TDRD15: variants seen among roughly 807,000 people sequenced by gnomAD.
TDRD15 encodes the protein tudor domain-containing protein 15.
For missense variants in TDRD15, 1,416 were observed against 904.7 expected, an observed-to-expected ratio of 1.57 and a Z score of -7.25; for synonymous variants, 503 against 314.5, an observed-to-expected ratio of 1.60 and a Z score of -6.34.
chr2:21,137,081 C>T (rs779652753), intron 3 of TDRD15, among the ~76,000 whole-genome samples: 3 of 152,006 alleles, frequency 2.0e-5, no homozygotes, highest in Non-Finnish European at 4.4e-5. Flanking sequence ...GTGGTTGTCT[C>T]ACAGGAGGAG....
intron 2 of TDRD15, among the ~76,000 whole-genome samples, chr2:21,131,454 C>T (rs913055415): frequency 6.6e-6 from 1 of 152,186 alleles, no homozygotes; most frequent in Admixed American, 6.5e-5. Context: ...TTCGAAGAAA[C>T]TACTACTCAT....
rs76889713 is a variant in TDRD15 at position 21,143,337 on chromosome 2, T to A, written c.*65T>A. 1,790 of 509,558 alleles carry A rather than the reference T, an allele frequency of 3.5e-3. 49 individuals carry two copies. The East Asian group carries it at 0.053, about 15-fold the overall frequency. The allele number at this position is 509,558 out of a possible 1,614,324, so 31.6% of individuals were successfully genotyped here. ...TTGTTACAAAAAACAAAATATAAAT[T>A]TTACATACACTGAGAAACAAAAGTG... is the stretch of plus-strand genomic sequence containing the variant. On this transcript the variant is annotated 3_prime_UTR_variant, in exon 4 of 4. Transcript: ENST00000405799.
intron 2 of TDRD15, among the ~76,000 whole-genome samples, chr2:21,128,409 G>A (rs312963): frequency 0.31 from 47,277 of 150,770 alleles, 8,814 homozygotes; most frequent in South Asian, 0.58. Context: ...TGCAAACTCT[G>A]CCTCCCGGGT....
chr2:21,124,692 G>GGT (rs1665545862), intron 1 of TDRD15, among the ~76,000 whole-genome samples: 2 of 124,720 alleles, frequency 1.6e-5, no homozygotes, highest in Non-Finnish European at 3.3e-5. Context: ...CTAATGCCAG[G>GGT]GTGCGTGTGT....
In TDRD15 at chr2:21,142,751, CT is replaced by C. The variant is rs1251709801; in HGVS notation, c.5289del (p.Phe1763LeufsTer19). On this transcript the variant is annotated frameshift_variant, in exon 4 of 4. Transcript: ENST00000405799. LOFTEE classifies it low-confidence loss of function (END_TRUNC). The part of the protein sequence containing the change: ...LEDFFDIMKY[L>X]FMLLSDLPET... Reference sequence around the variant, plus strand: ...AGATTTCTTTGACATAATGAAATACCTTTTTATGTTGCTTTCTGATCTACCA... The same window carrying C: ...AGATTTCTTTGACATAATGAAATACCTTTTATGTTGCTTTCTGATCTACCA... 1 of 713,704 alleles carries C rather than the reference CT, an allele frequency of 1.4e-6. No homozygotes were observed. Among genetic ancestry groups the C allele is most frequent in the Non-Finnish European group, 2.6e-6 (1 of 383,298 alleles). The allele number at this position is 713,704 out of a possible 1,614,324, so 44.2% of individuals were successfully genotyped here.
At chr2:21,130,265 A>C (rs1055094121) in intron 2 of TDRD15, among the ~76,000 whole-genome samples, 7 of 152,206 alleles carry the variant, frequency 4.6e-5, no homozygotes, top group Non-Finnish European at 1.0e-4. Flanking sequence ...TTTTGTGCAG[A>C]TGCTTCTCAA....
At chr2:21,135,395 G>A (rs1191965595) in intron 3 of TDRD15, among the ~76,000 whole-genome samples, 3 of 151,668 alleles carry the variant, frequency 2.0e-5, no homozygotes, top group Non-Finnish European at 2.9e-5. Flanking sequence ...AGGTTATGTT[G>A]TCTACCTGAT....
At chr2:21,126,455 C>A (rs1558294361) in intron 1 of TDRD15, among the ~76,000 whole-genome samples, 1 of 151,886 alleles carries the variant, frequency 6.6e-6, no homozygotes, top group Non-Finnish European at 1.5e-5. Flanking sequence ...CAATCTCTGC[C>A]TCCCGGGTTC....
At chr2:21,145,661 TA>T (rs1287583241), downstream of TDRD15, among the ~76,000 whole-genome samples, 1 of 152,034 alleles carries the variant, frequency 6.6e-6, no homozygotes, top group Non-Finnish European at 1.5e-5. Context: ...GGATTAGTAA[TA>T]AATTTCCATA....
chr2:21,141,134 A>C lies in TDRD15; in HGVS notation c.3667A>C (p.Asn1223His), dbSNP rs1665918832. 4 of 711,896 alleles carry C rather than the reference A, an allele frequency of 5.6e-6. No homozygotes were observed. Among genetic ancestry groups the C allele is most frequent in the Non-Finnish European group, 1.0e-5 (4 of 383,040 alleles). The allele number at this position is 711,896 out of a possible 1,614,324, so 44.1% of individuals were successfully genotyped here. ...TTATAAAATGGAACCTGTGTCAAAAAACAAAATGAAGACTTCTTTGAATGA... is the reference window on the plus strand; with the variant it reads ...TTATAAAATGGAACCTGTGTCAAAACACAAAATGAAGACTTCTTTGAATGA... Reference protein sequence around the residue: ...VCYKMEPVSKNKMKTSLNDGL... With the variant: ...VCYKMEPVSKHKMKTSLNDGL... The change falls in exon 4 of 4, where the codon AAC (asparagine) becomes CAC (histidine). Residue 1223 changes from asparagine (N) to histidine (H), a missense_variant. By Grantham distance (68) the Asn-to-His change is moderately conservative. Coordinates refer to ENST00000405799, the MANE Select transcript of TDRD15 (RefSeq NM_001306137.2).
intron 2 of TDRD15, among the ~76,000 whole-genome samples, chr2:21,134,137 T>G (rs1191450908): frequency 6.6e-6 from 1 of 151,914 alleles, no homozygotes; most frequent in Non-Finnish European, 1.5e-5. Context: ...ATATATATTC[T>G]ATAGAATCAG....
intron 2 of TDRD15, among the ~76,000 whole-genome samples, chr2:21,129,763 A>C (rs1366267086): frequency 1.3e-5 from 2 of 152,158 alleles, no homozygotes; most frequent in African/African-American, 4.8e-5. Context: ...AACCATATTT[A>C]AGAAGCCATT....
Position 21,141,321 on chromosome 2 carries a change from A to C in TDRD15, c.3854A>C (p.Asp1285Ala). The C allele has an allele frequency of 2.8e-6, 2 of 715,876 alleles. No individual in the cohort carries two copies. The highest frequency in any genetic ancestry group is 2.6e-6 in the Non-Finnish European group (1 of 383,920). The allele number at this position is 715,876 out of a possible 1,614,324, so 44.3% of individuals were successfully genotyped here. A position where few individuals can be genotyped will look rare whatever the true frequency, so the allele number is the denominator to read the frequency against. Residue 1285 changes from aspartate (D) to alanine (A), a missense_variant, in exon 4 of 4, where the codon GAC becomes GCC. Transcript: ENST00000405799. ...PYDLIRPQIK[D>A]LPQPQIYLNA... ...GACCTTATTAGGCCACAGATCAAAG[A>C]CCTTCCTCAACCGCAAATTTATTTG...
rs1365711272 is a variant in TDRD15 at position 21,142,810 on chromosome 2, A to G, written c.5343A>G (p.Ile1781Met). 5 of 714,924 alleles carry G rather than the reference A, an allele frequency of 7.0e-6. No homozygotes were observed. Among genetic ancestry groups the G allele is most frequent in the Non-Finnish European group, 7.8e-6 (3 of 383,576 alleles). 44.3% of individuals were successfully genotyped at this position (714,924 alleles called of 1,614,324 possible). Residue 1781 changes from isoleucine to methionine, a missense_variant, in exon 4 of 4, where the codon ATA becomes ATG. Ile to Met is a conservative substitution (Grantham distance 10). Transcript: ENST00000405799. ...ETLQTLPQEF[I>M]IPGSSCLFKY... ...TACAAACATTGCCTCAGGAGTTCAT[A>G]ATTCCCGGTTCTAGTTGTTTGTTCA...
At chr2:21,126,364 A>G (rs1272804182) in intron 1 of TDRD15, among the ~76,000 whole-genome samples, 1 of 150,104 alleles carries the variant, frequency 6.7e-6, no homozygotes, top group Non-Finnish European at 1.5e-5. Flanking sequence ...TCAGTGTTTC[A>G]TTCTTTTTTT....
At chr2:21,136,082 G>C (rs1369853542) in intron 3 of TDRD15, among the ~76,000 whole-genome samples, 1 of 151,944 alleles carries the variant, frequency 6.6e-6, no homozygotes, top group Non-Finnish European at 1.5e-5. Context: ...ATGATCACAG[G>C]GCCCTTCAGG....
chr2:21,130,446 A>G (rs1362116293), intron 2 of TDRD15, among the ~76,000 whole-genome samples: 2 of 152,152 alleles, frequency 1.3e-5, no homozygotes, highest in Non-Finnish European at 2.9e-5. Context: ...TAGAAACTGT[A>G]CCTCCTTTTT....
chr2:21,130,557 C>A (rs770405561), intron 2 of TDRD15, among the ~76,000 whole-genome samples: 1 of 152,128 alleles, frequency 6.6e-6, no homozygotes, highest in Non-Finnish European at 1.5e-5. Flanking sequence ...CTGAGAACAT[C>A]TTGTGTATAT....
chr2:21,126,760 A>C (rs912589651), intron 1 of TDRD15, among the ~76,000 whole-genome samples: 1 of 152,262 alleles, frequency 6.6e-6, no homozygotes, highest in South Asian at 2.1e-4. Context: ...TTACAAGTAA[A>C]CTTGCTGTGA....
Sources: gnomAD v4.1 joint callset for allele counts (sites outside exome capture counted in the v4.1 genomes callset) on GRCh38, gnomAD v4.1.1 for gene constraint, MANE v1.5 for transcripts, NCBI Gene and HGNC (gene_info 2026-07-23, HGNC 2026-07-21) for gene names.